Variants in CDH20 observed in about 807,000 individuals in gnomAD.
The protein encoded by CDH20 is cadherin 20.
A neutral mutation model predicts 74.2 loss-of-function variants in CDH20; 29 were observed. That is an observed-to-expected ratio of 0.39 (90% CI 0.29 to 0.53). The LOEUF is 0.53. CDH20 is among the 20% of genes least tolerant of loss of function. The probability of loss-of-function intolerance (pLI) is 0.69; values close to 1 mark genes in which losing one functional copy is unlikely to be tolerated. For missense variants in CDH20, 988 were observed against 1,048.3 expected, an observed-to-expected ratio of 0.94 and a Z score of 0.79; for synonymous variants, 469 against 405.4, an observed-to-expected ratio of 1.16 and a Z score of -1.88.
At chr18:61,553,901 GAC>G (rs1442225162) in intron 11 of CDH20, among the ~76,000 whole-genome samples, 1 of 152,178 alleles carries the variant, frequency 6.6e-6, no homozygotes, top group Non-Finnish European at 1.5e-5. Context: ...GTTAGGTGTA[GAC>G]ACACAATTTC....
chr18:61,511,572 T>C lies in CDH20; in HGVS notation c.1017+4012T>C, dbSNP rs148663407. Among the ~76,000 whole-genome samples, 115 of 152,300 alleles carry C rather than the reference T, an allele frequency of 7.6e-4. 1 individual carries two copies. In the East Asian group the frequency reaches 9.3e-3, roughly 12 times the overall value. On this transcript the variant is annotated intron_variant, in intron 6 of 11. Transcript: ENST00000262717. ...GGATTCTCAATATTTAAATGTTATCTTATGTCTTAAAATAATGTCTGAGAT... is the reference window on the plus strand; with the variant it reads ...GGATTCTCAATATTTAAATGTTATCCTATGTCTTAAAATAATGTCTGAGAT...
At chr18:61,390,159 G>T (rs764131622) in intron 1 of CDH20, among the ~76,000 whole-genome samples, 1 of 151,796 alleles carries the variant, frequency 6.6e-6, no homozygotes, top group Admixed American at 6.6e-5. Flanking sequence ...CAGGGATCCT[G>T]CCCATTCACC....
chr18:61,499,529 T>TACAC (rs71338240), intron 3 of CDH20, 49 bp downstream of exon 3: 250,121 of 1,042,822 alleles, frequency 0.24, 21,240 homozygotes, highest in South Asian at 0.37. Flanking sequence ...CCTATATATA[T>TACAC]ACACACACAC....
chr18:61,375,701 C>T (rs1452079453), intron 1 of CDH20, among the ~76,000 whole-genome samples: 1 of 151,904 alleles, frequency 6.6e-6, no homozygotes, highest in Non-Finnish European at 1.5e-5. Flanking sequence ...CGTTCCCTCC[C>T]TAGGAGGTAC....
chr18:61,403,909 G>A lies in CDH20; in HGVS notation c.-153+70082G>A, dbSNP rs1179729465. 2.6e-5 allele frequency among the ~76,000 whole-genome samples: 4 copies of A among 152,160 alleles called. No homozygotes were observed. The South Asian group carries it at 6.2e-4, about 24-fold the overall frequency. ...TGGAATACTATGCAGCCATAAAAAG[G>A]GATGAGATCATGTCCTTTGCAGGGA... On this transcript the variant is annotated intron_variant, in intron 1 of 11. Transcript: ENST00000262717.
At chr18:61,348,308 C>G (rs1910198761) in intron 1 of CDH20, among the ~76,000 whole-genome samples, 4 of 152,204 alleles carry the variant, frequency 2.6e-5, no homozygotes, top group Admixed American at 2.6e-4. Flanking sequence ...CAAAATCACT[C>G]TGTCTGAATG....
intron 9 of CDH20, among the ~76,000 whole-genome samples, chr18:61,543,951 A>C (rs1242979307): frequency 6.6e-6 from 1 of 152,218 alleles, no homozygotes; most frequent in Non-Finnish European, 1.5e-5. Context: ...TTTAACTCAA[A>C]GTCTCTTATT....
intron 2 of CDH20, among the ~76,000 whole-genome samples, chr18:61,497,118 A>G (rs2849860): frequency 0.062 from 9,360 of 150,848 alleles, 341 homozygotes; most frequent in Middle Eastern, 0.11. Context: ...AAAGAAAGAA[A>G]GAAAGAAAAA....
intron 11 of CDH20, among the ~76,000 whole-genome samples, chr18:61,553,584 T>C (rs1053075670): frequency 6.6e-5 from 10 of 152,160 alleles, no homozygotes; most frequent in Admixed American, 5.2e-4. Context: ...CTGAGGAACC[T>C]GAGTTTATTG....
At chr18:61,553,861 G>C (rs1217897440) in intron 11 of CDH20, among the ~76,000 whole-genome samples, 1 of 152,182 alleles carries the variant, frequency 6.6e-6, no homozygotes, top group Non-Finnish European at 1.5e-5. Context: ...GCAGGCCTTT[G>C]TGCTTTGTTA....
intron 2 of CDH20, among the ~76,000 whole-genome samples, chr18:61,493,855 T>A (rs1911043679): frequency 6.6e-6 from 1 of 152,162 alleles, no homozygotes; most frequent in African/African-American, 2.4e-5. Context: ...TATGTGCACA[T>A]AAAATTTAGG....
chr18:61,454,370 G>A (rs2052925161), intron 1 of CDH20, among the ~76,000 whole-genome samples: 1 of 152,184 alleles, frequency 6.6e-6, no homozygotes, highest in Admixed American at 6.5e-5. Flanking sequence ...AATGAAAGCA[G>A]TGTTTGAGTT....
chr18:61,434,373 T>C (rs1269300809), intron 1 of CDH20, among the ~76,000 whole-genome samples: 1 of 152,180 alleles, frequency 6.6e-6, no homozygotes, highest in Non-Finnish European at 1.5e-5. Flanking sequence ...GGTTATGTGG[T>C]GACAAACCAC....
chr18:61,377,389 A>G (rs1047128989), intron 1 of CDH20, among the ~76,000 whole-genome samples: 1 of 152,018 alleles, frequency 6.6e-6, no homozygotes, highest in African/African-American at 2.4e-5. Context: ...GCCTCAGTAG[A>G]ACTGAAACAT....
chr18:61,364,010 G>T (rs1229513248), intron 1 of CDH20, among the ~76,000 whole-genome samples: 1 of 152,224 alleles, frequency 6.6e-6, no homozygotes. Context: ...GAGTGAGGTG[G>T]TACCAGATAC....
intron 1 of CDH20, among the ~76,000 whole-genome samples, chr18:61,440,624 T>C (rs1599086903): frequency 6.6e-6 from 1 of 152,216 alleles, no homozygotes; most frequent in East Asian, 1.9e-4. Context: ...CATGAACCTG[T>C]AGTCAGCTTC....
rs186505123 is a variant in CDH20, at chr18:61,422,825, C to T, written c.-152-67577C>T. Among the ~76,000 whole-genome samples the T allele has an allele frequency of 4.6e-5, 7 of 151,658 alleles. No individual in the cohort carries two copies. In the South Asian group the frequency reaches 8.3e-4, roughly 18 times the overall value. On this transcript the variant is annotated intron_variant, in intron 1 of 11. Coordinates refer to ENST00000262717, the MANE Select transcript of CDH20 (RefSeq NM_031891.4). ...TTATACAATAGCTACCAAGTGTGAA[C>T]GAGCCCATAATTCATAAATAAAACT...
At position 61,555,721 on chromosome 18, in the gene CDH20, G is replaced by A; in HGVS notation, c.*1026G>A. 1 of 952,698 alleles carries A rather than the reference G, an allele frequency of 1.0e-6. No homozygotes were observed. The highest frequency in any genetic ancestry group is 1.2e-6 in the Non-Finnish European group (1 of 800,086). 59.0% of individuals were successfully genotyped at this position (952,698 alleles called of 1,614,324 possible). A position where few individuals can be genotyped will look rare whatever the true frequency, so the allele number is the denominator to read the frequency against. ...TGTTAATAATTTTGGTAATAAATAT[G>A]ATGTACTGCATCTCAGTACCTTAGC... On this transcript the variant is annotated 3_prime_UTR_variant, in exon 12 of 12. Transcript: ENST00000262717.
chr18:61,340,688 T>A (rs551930798), intron 1 of CDH20, among the ~76,000 whole-genome samples: 2 of 152,324 alleles, frequency 1.3e-5, no homozygotes, highest in South Asian at 4.1e-4. Flanking sequence ...TCACGATTGT[T>A]TCACTTGGTA....
Sources: gnomAD v4.1 joint callset for allele counts (sites outside exome capture counted in the v4.1 genomes callset) on GRCh38, gnomAD v4.1.1 for gene constraint, MANE v1.5 for transcripts, NCBI Gene and HGNC (gene_info 2026-07-23, HGNC 2026-07-21) for gene names.